Variants in ZC3H7A observed in about 807,000 individuals in gnomAD.
The protein encoded by ZC3H7A is zinc finger CCCH domain-containing protein 7A.
In ZC3H7A, 44 loss-of-function variants were observed where a neutral mutation model predicts 125.5. The observed-to-expected ratio is 0.35, with a 90% CI of 0.28 to 0.45. The LOEUF is 0.45. Ranked by LOEUF, ZC3H7A falls within the 20% of genes least tolerant of loss-of-function variation. ZC3H7A has a pLI of 1.00. For missense variants in ZC3H7A, 977 were observed against 1,170.7 expected, an observed-to-expected ratio of 0.83 and a Z score of 2.41; for synonymous variants, 399 against 391.2, an observed-to-expected ratio of 1.02 and a Z score of -0.23.
chr16:11,789,404 G>A (rs1412472095), intron 1 of ZC3H7A, among the ~76,000 whole-genome samples: 2 of 151,954 alleles, frequency 1.3e-5, no homozygotes, highest in East Asian at 1.9e-4. Context: ...ACAGGCGCAC[G>A]TCACCAGGCC....
chr16:11,762,079 A>G lies in ZC3H7A; in HGVS notation c.2080-36T>C, dbSNP rs990405869. ...TAAAAGATTCGTTTTAATTTTTTTA[A>G]CAGAAAACCAGTTTTCTGATGACAA... On this transcript the variant is annotated intron_variant, in intron 17 of 22. Coordinates refer to ENST00000355758, the MANE Select transcript of ZC3H7A (RefSeq NM_014153.4). 4 of 1,538,208 alleles carry G rather than the reference A, an allele frequency of 2.6e-6. No individual in the cohort carries two copies. The Admixed American group carries it at 9.0e-5, about 34-fold the overall frequency.
At chr16:11,792,967 G>T (rs1218360846) in intron 1 of ZC3H7A, among the ~76,000 whole-genome samples, 3 of 152,142 alleles carry the variant, frequency 2.0e-5, no homozygotes, top group Non-Finnish European at 4.4e-5. Context: ...AAAAAGATAT[G>T]CTCAACAGAC....
At chr16:11,763,809 C>CT (rs561899308) in intron 15 of ZC3H7A, 150 bp from the exon 16 acceptor site, 16,608 of 164,006 alleles carry the variant, frequency 0.1, 2,756 homozygotes, top group African/African-American at 0.35. Flanking sequence ...TTTTTTTTCT[C>CT]TTTTTTTTTT....
intron 13 of ZC3H7A, among the ~76,000 whole-genome samples, chr16:11,766,622 C>T (rs981360448): frequency 6.6e-6 from 1 of 151,978 alleles, no homozygotes; most frequent in African/African-American, 2.4e-5. Context: ...GTGGCTCATG[C>T]CTGTAATCCT....
At chr16:11,751,581 A>G (rs1163777158) in intron 22 of ZC3H7A, 75 bp from the exon 23 acceptor site, 10 of 1,416,554 alleles carry the variant, frequency 7.1e-6, no homozygotes, top group African/African-American at 1.4e-5. Flanking sequence ...TTGAAACTGT[A>G]TATTTCACTA....
rs746490913 is a variant in ZC3H7A at position 11,770,886 on chromosome 16, A to G, written c.1005T>C (p.Tyr335=). Residue 335 remains tyrosine, a synonymous_variant, in exon 10 of 23, where the codon TAT becomes TAC. Coordinates refer to ENST00000355758, the MANE Select transcript of ZC3H7A (RefSeq NM_014153.4). ...ATTCTGAGAAGGAGGGTGGAGGAGC[A>G]TACCTCGCACCAATGGGTAAGGTTC... ...LLGTLPIGAR[Y]APPPSFSEFY... The G allele has an allele frequency of 2.3e-5, 37 of 1,614,098 alleles. No individual in the cohort carries two copies. Among genetic ancestry groups the G allele is most frequent in the Non-Finnish European group, 3.1e-5 (37 of 1,180,020 alleles).
At chr16:11,760,016 G>A (rs1399394463) in intron 19 of ZC3H7A, among the ~76,000 whole-genome samples, 2 of 151,038 alleles carry the variant, frequency 1.3e-5, no homozygotes, top group African/African-American at 2.4e-5. Context: ...CTACTCGGGA[G>A]GCTGAGGCAG....
chr16:11,794,391 C>T (rs1190589900), intron 1 of ZC3H7A, among the ~76,000 whole-genome samples: 5 of 152,126 alleles, frequency 3.3e-5, no homozygotes, highest in Admixed American at 6.6e-5. Context: ...TAAATTAAAA[C>T]GTTATCACTA....
At chr16:11,793,619 A>G (rs975812318) in intron 1 of ZC3H7A, among the ~76,000 whole-genome samples, 1 of 152,188 alleles carries the variant, frequency 6.6e-6, no homozygotes, top group African/African-American at 2.4e-5. Context: ...TGTAATATTA[A>G]TAGCTTTAAA....
intron 16 of ZC3H7A, chr16:11,762,979 T>C: frequency 2.2e-6 from 1 of 449,104 alleles, no homozygotes; most frequent in Non-Finnish European, 4.0e-6. Flanking sequence ...TATCAACTTG[T>C]ATCAGTAATT....
At chr16:11,795,021 CACAA>C (rs1220260261) in intron 1 of ZC3H7A, among the ~76,000 whole-genome samples, 2 of 152,198 alleles carry the variant, frequency 1.3e-5, no homozygotes, top group Non-Finnish European at 2.9e-5. Context: ...AACACACACA[CACAA>C]ACACACACGC....
intron 7 of ZC3H7A, among the ~76,000 whole-genome samples, chr16:11,776,026 T>C (rs1453811016): frequency 6.6e-6 from 1 of 151,956 alleles, no homozygotes; most frequent in Admixed American, 6.6e-5. Flanking sequence ...CAGGCCATGG[T>C]GGTGTGTGCC....
chr16:11,796,999 T>TCCCCCG (rs1168226849), intron 1 of ZC3H7A, 125 bp downstream of exon 1: 1 of 137,128 alleles, frequency 7.3e-6, no homozygotes, highest in Admixed American at 7.4e-5. Flanking sequence ...CCGCCGCCCC[T>TCCCCCG]CCCCCGCCCC....
chr16:11,774,439 G>A lies in ZC3H7A; in HGVS notation c.700C>T (p.Leu234=). The A allele has an allele frequency of 1.9e-6, 3 of 1,603,554 alleles. No homozygotes were observed. Among genetic ancestry groups the A allele is most frequent in the Non-Finnish European group, 2.6e-6 (3 of 1,173,206 alleles). ...AAGGGCATAACAGGAACTGAGGCCA[G>A]CTCACTTCCAACTTCATGAGAAAAA... ...PSFSHEVGSE[L]ASVPVMPLTS... is the part of the protein sequence containing the mutation. Residue 234 remains leucine (L), a synonymous_variant, in exon 9 of 23, where the codon CTG becomes TTG. Transcript: ENST00000355758.
In ZC3H7A at chr16:11,765,239, C is replaced by A; in HGVS notation, c.1720-86G>T. The stretch of plus-strand genomic sequence containing the variant: ...TATTGTCCTAGTTTCAATATCATTA[C>A]AAAATTAATATTCAATATGAAGTTT... On this transcript the variant is annotated intron_variant, in intron 14 of 22. Transcript: ENST00000355758. The surrounding 1 kb of genome is among the most constrained non-coding windows in gnomAD (Gnocchi z 4.8). The A allele has an allele frequency of 1.2e-6, 1 of 863,146 alleles. No individual in the cohort carries two copies. The highest frequency in any genetic ancestry group is 2.1e-5 in the South Asian group (1 of 47,076). 53.5% of individuals were successfully genotyped at this position (863,146 alleles called of 1,614,324 possible). A position where few individuals can be genotyped will look rare whatever the true frequency, so the allele number is the denominator to read the frequency against.
At chr16:11,752,923 G>A in intron 21 of ZC3H7A, 91 bp from the exon 22 acceptor site, 1 of 1,503,108 alleles carries the variant, frequency 6.7e-7, no homozygotes, top group Non-Finnish European at 8.9e-7. Flanking sequence ...GGAGAGCCAG[G>A]CAAGACATAA....
intron 2 of ZC3H7A, among the ~76,000 whole-genome samples, chr16:11,781,773 A>G (rs1372697542): frequency 6.6e-6 from 1 of 152,122 alleles, no homozygotes; most frequent in African/African-American, 2.4e-5. Flanking sequence ...GAGGTTAAAA[A>G]TAGTACAGAG....
chr16:11,761,835 T>G, intron 18 of ZC3H7A, 75 bp downstream of exon 18: 1 of 1,571,358 alleles, frequency 6.4e-7, no homozygotes, highest in South Asian at 1.2e-5. Context: ...TTAAACTTTT[T>G]GCTTATGTGT....
At chr16:11,785,122 C>G (rs925473393) in intron 1 of ZC3H7A, among the ~76,000 whole-genome samples, 4 of 152,164 alleles carry the variant, frequency 2.6e-5, no homozygotes, top group Non-Finnish European at 5.9e-5. Flanking sequence ...GGTGCCACTG[C>G]ACTCCAGCCT....
Sources: allele counts gnomAD v4.1 joint callset (sites outside exome capture counted in the v4.1 genomes callset), GRCh38; gene constraint gnomAD v4.1.1; non-coding constraint Gnocchi (gnomAD v3.1); transcripts MANE v1.5; gene names NCBI Gene and HGNC (gene_info 2026-07-23, HGNC 2026-07-21).